The following MAP4K4 variants were observed in gnomAD, a reference collection of about 807,000 sequenced individuals.
MAP4K4 encodes the protein HPK/GCK-like kinase HGK.
In MAP4K4, 38 loss-of-function variants were observed where a neutral mutation model predicts 189.6. That is an observed-to-expected ratio of 0.20 (90% CI 0.15 to 0.26). The LOEUF is 0.26. MAP4K4 is among the 10% of genes least tolerant of loss of function. MAP4K4 has a pLI of 1.00. For missense variants in MAP4K4, 1,054 were observed against 1,726.9 expected, an observed-to-expected ratio of 0.61 and a Z score of 6.91; for synonymous variants, 610 against 624.3, an observed-to-expected ratio of 0.98 and a Z score of 0.34.
intron 2 of MAP4K4, among the ~76,000 whole-genome samples, chr2:101,726,935 G>C (rs1200153244): frequency 6.6e-6 from 1 of 152,114 alleles, no homozygotes; most frequent in Non-Finnish European, 1.5e-5. Flanking sequence ...GTTGATGGAG[G>C]CTCTCTGCAG....
At chr2:101,766,310 T>C (rs2078600144) in intron 2 of MAP4K4, among the ~76,000 whole-genome samples, 2 of 152,308 alleles carry the variant, frequency 1.3e-5, no homozygotes, top group South Asian at 2.1e-4. Flanking sequence ...GGTGGTCACC[T>C]GGGCTTAGTG....
intron 32 of MAP4K4, among the ~76,000 whole-genome samples, chr2:101,890,714 C>G (rs2098553587): frequency 6.6e-6 from 1 of 151,932 alleles, no homozygotes. Flanking sequence ...GTCGGCCTCC[C>G]AAAGTGCTGG....
intron 2 of MAP4K4, among the ~76,000 whole-genome samples, chr2:101,746,071 G>A (rs1281090841): frequency 6.6e-6 from 1 of 151,608 alleles, no homozygotes; most frequent in East Asian, 1.9e-4. Flanking sequence ...ACTCACTGCA[G>A]CCTTGAACTC....
intron 12 of MAP4K4, among the ~76,000 whole-genome samples, chr2:101,849,871 T>TA (rs983552315): frequency 6.6e-6 from 1 of 151,920 alleles, no homozygotes; most frequent in Non-Finnish European, 1.5e-5. Context: ...CTCTATTTAA[T>TA]AAAAAAATAA....
At chr2:101,780,466 A>G (rs963145251) in intron 2 of MAP4K4, among the ~76,000 whole-genome samples, 6 of 152,248 alleles carry the variant, frequency 3.9e-5, no homozygotes, top group African/African-American at 1.2e-4. Flanking sequence ...GGATTGAGGA[A>G]GGGGACCCCA....
At chr2:101,856,048 G>T in exon 13 of MAP4K4, 1 of 1,551,828 alleles carries the variant, frequency 6.4e-7, no homozygotes, top group Non-Finnish European at 8.7e-7. Flanking sequence ...AAGAAGAAAA[G>T]AGGCGTCTAG....
At chr2:101,761,397 T>C (rs530472543) in intron 2 of MAP4K4, among the ~76,000 whole-genome samples, 6 of 152,224 alleles carry the variant, frequency 3.9e-5, no homozygotes, top group African/African-American at 1.4e-4. Context: ...AGGTTTTGCT[T>C]GGGCCCAGTC....
chr2:101,871,892 G>T (rs1025191593), intron 24 of MAP4K4, among the ~76,000 whole-genome samples: 1 of 151,886 alleles, frequency 6.6e-6, no homozygotes, highest in Non-Finnish European at 1.5e-5. Context: ...CCCCAAACTT[G>T]CCAGTTCACT....
At chr2:101,838,274 C>T (rs1481152162) in intron 9 of MAP4K4, among the ~76,000 whole-genome samples, 1 of 152,108 alleles carries the variant, frequency 6.6e-6, no homozygotes, top group Non-Finnish European at 1.5e-5. Flanking sequence ...CAATAAACTC[C>T]CCAAAATGAT....
At chr2:101,733,154 G>A (rs898413349) in intron 2 of MAP4K4, among the ~76,000 whole-genome samples, 2 of 152,198 alleles carry the variant, frequency 1.3e-5, no homozygotes, top group African/African-American at 4.8e-5. Flanking sequence ...CTCTGCCCTG[G>A]CCTGGGGTCT....
intron 3 of MAP4K4, among the ~76,000 whole-genome samples, chr2:101,816,211 C>G (rs2095703520): frequency 6.6e-6 from 1 of 152,170 alleles, no homozygotes; most frequent in Non-Finnish European, 1.5e-5. Flanking sequence ...TATATTTTGG[C>G]TAATTTTAGT....
chr2:101,859,164 C>A, intron 14 of MAP4K4, 82 bp downstream of exon 14: 1 of 1,327,942 alleles, frequency 7.5e-7, no homozygotes, highest in Non-Finnish European at 1.1e-6. Context: ...TGGTGGTCAC[C>A]AGACCATTTT....
chr2:101,889,260 T>C (rs1159992741), intron 32 of MAP4K4, among the ~76,000 whole-genome samples: 2 of 152,186 alleles, frequency 1.3e-5, no homozygotes, highest in African/African-American at 2.4e-5. Context: ...TGGAATTCTT[T>C]TGTGAGTGGA....
chr2:101,788,822 G>A (rs916720547), intron 2 of MAP4K4, among the ~76,000 whole-genome samples: 2 of 152,070 alleles, frequency 1.3e-5, no homozygotes, highest in Admixed American at 6.5e-5. Context: ...GGGAAGCATA[G>A]ACCATTTTCT....
At chr2:101,894,542 T>C (rs2150386358) in exon 33 of MAP4K4, 1 of 152,922 alleles carries the variant, frequency 6.5e-6, no homozygotes, top group African/African-American at 2.4e-5. Flanking sequence ...CAAACTGCAT[T>C]AAATTTACTA....
Position 101,845,188 on chromosome 2 carries a change from T to A in MAP4K4, c.1233+877T>A, listed in dbSNP as rs200963759. On this transcript the variant is annotated intron_variant, in intron 12 of 32. Transcript: ENST00000324219. The stretch of plus-strand genomic sequence containing the variant: ...GTTTAAGCCAAAAAAAAAATAAAAA[T>A]AAAAAAAAAAACCGAACACACACGC... 6.2e-3 allele frequency among the ~76,000 whole-genome samples: 885 copies of A among 142,596 alleles called. 8 individuals carry two copies. Among genetic ancestry groups the A allele is most frequent in the African/African-American group, 0.019 (722 of 38,294 alleles). 93.5% of individuals were successfully genotyped at this position (142,596 alleles called of 152,430 possible).
chr2:101,870,147 G>A (rs139942994), intron 22 of MAP4K4, 148 bp from the exon 23 acceptor site: 16 of 757,068 alleles, frequency 2.1e-5, no homozygotes, highest in Admixed American at 3.1e-5. Context: ...TTTGTTAAAG[G>A]GAGAAAGCTA....
intron 12 of MAP4K4, among the ~76,000 whole-genome samples, chr2:101,853,332 C>T (rs1217879896): frequency 6.6e-6 from 1 of 152,202 alleles, no homozygotes; most frequent in Non-Finnish European, 1.5e-5. Flanking sequence ...GCATCTCCTA[C>T]ATATATACAT....
chr2:101,738,521 C>T (rs940644887), intron 2 of MAP4K4, among the ~76,000 whole-genome samples: 2 of 151,904 alleles, frequency 1.3e-5, no homozygotes, highest in East Asian at 1.9e-4. Flanking sequence ...CTTTGGGAGT[C>T]GATTTGTAGA....
Sources: gnomAD v4.1 joint callset for allele counts (sites outside exome capture counted in the v4.1 genomes callset) on GRCh38, gnomAD v4.1.1 for gene constraint, MANE v1.5 for transcripts, NCBI Gene and HGNC (gene_info 2026-07-23, HGNC 2026-07-21) for gene names.